Variants in ADGRL2 observed in about 807,000 individuals in gnomAD.
The protein encoded by ADGRL2 is calcium-independent alpha-latrotoxin receptor 2.
In ADGRL2, 44 loss-of-function variants were observed where a neutral mutation model predicts 157.4. The ratio of observed to expected loss-of-function variants is 0.28; its 90% confidence interval spans 0.22 to 0.36. The LOEUF (loss-of-function observed/expected upper bound fraction) is 0.36. Ranked by LOEUF, ADGRL2 falls within the 10% of genes least tolerant of loss-of-function variation. The pLI, the probability that ADGRL2 is intolerant of heterozygous loss-of-function variation, is 1.00. For synonymous variants in ADGRL2, 585 were observed against 624.7 expected (o/e 0.94, Z 0.95); for missense variants, 1,510 against 1,768.9 (o/e 0.85, Z 2.63).
At chr1:81,807,982 C>T (rs1346034397) in intron 1 of ADGRL2, among the ~76,000 whole-genome samples, 1 of 150,964 alleles carries the variant, frequency 6.6e-6, no homozygotes, top group Non-Finnish European at 1.5e-5. Context: ...CAAAAAACCT[C>T]CTATATTTGA....
intron 1 of ADGRL2, among the ~76,000 whole-genome samples, chr1:81,322,093 T>TATATATATATATACAC (rs1660546444): frequency 5.1e-5 from 6 of 117,072 alleles, no homozygotes; most frequent in Admixed American, 9.5e-5. Flanking sequence ...AATTCATATA[T>TATATATATATATACAC]ATATATATAT....
chr1:81,426,719 G>A, intron 1 of ADGRL2: 1 of 471,664 alleles, frequency 2.1e-6, no homozygotes, highest in South Asian at 1.6e-5. Flanking sequence ...TGTTGAAGAG[G>A]TGGATGCAAC....
intron 9 of ADGRL2, 50 bp downstream of exon 9, chr1:81,952,192 T>A (rs1572333516): frequency 6.9e-7 from 1 of 1,456,766 alleles, no homozygotes; most frequent in East Asian, 2.4e-5. Context: ...GTATGGCAGC[T>A]CTTTCTTGTC....
At chr1:81,841,677 G>A (rs576944471) in intron 2 of ADGRL2, among the ~76,000 whole-genome samples, 2 of 152,026 alleles carry the variant, frequency 1.3e-5, no homozygotes, top group East Asian at 3.9e-4. Context: ...ATGTGCACGC[G>A]CATACACGTG....
At chr1:81,946,963 A>T (rs767027359) in intron 6 of ADGRL2, among the ~76,000 whole-genome samples, 2 of 152,156 alleles carry the variant, frequency 1.3e-5, no homozygotes, top group Non-Finnish European at 2.9e-5. Context: ...AATCAATAGA[A>T]GTTCTTAGTA....
intron 1 of ADGRL2, among the ~76,000 whole-genome samples, chr1:81,834,749 T>C (rs2092176072): frequency 1.3e-5 from 2 of 152,162 alleles, no homozygotes; most frequent in South Asian, 4.1e-4. Context: ...AGCTTTATTT[T>C]TGTAAAAGAA....
chr1:81,334,689 C>T (rs1661512473), intron 1 of ADGRL2, among the ~76,000 whole-genome samples: 1 of 152,314 alleles, frequency 6.6e-6, no homozygotes, highest in Non-Finnish European at 1.5e-5. Flanking sequence ...TTACTATATT[C>T]TTTCCTTGTG....
chr1:81,620,969 C>T (rs559929977), intron 3 of ADGRL2, among the ~76,000 whole-genome samples: 4 of 152,274 alleles, frequency 2.6e-5, no homozygotes, highest in African/African-American at 7.2e-5. Flanking sequence ...TTTGAAATAA[C>T]GGAAATGCCA....
At chr1:81,493,428 G>A (rs1033305298) in intron 2 of ADGRL2, among the ~76,000 whole-genome samples, 2 of 152,130 alleles carry the variant, frequency 1.3e-5, no homozygotes, top group Non-Finnish European at 2.9e-5. Context: ...TCAGGCCCTT[G>A]AAATTTTATT....
chr1:81,638,967 C>T (rs954590735), intron 3 of ADGRL2, among the ~76,000 whole-genome samples: 3 of 152,176 alleles, frequency 2.0e-5, no homozygotes, highest in South Asian at 2.1e-4. Flanking sequence ...TCACCCACTG[C>T]GCTTCAACTT....
chr1:81,828,933 C>T (rs709696), intron 1 of ADGRL2, among the ~76,000 whole-genome samples: 19,212 of 150,442 alleles, frequency 0.13, 1,298 homozygotes, highest in Admixed American at 0.21. Flanking sequence ...TTTTTTGGGA[C>T]GAAGTCTTGC....
intron 3 of ADGRL2, among the ~76,000 whole-genome samples, chr1:81,923,056 G>C (rs2095024948): frequency 6.6e-6 from 1 of 152,080 alleles, no homozygotes; most frequent in South Asian, 2.1e-4. Flanking sequence ...TGGGTAATAG[G>C]CTGTAGACTG....
At chr1:81,312,504 G>A (rs1659825701) in intron 1 of ADGRL2, among the ~76,000 whole-genome samples, 1 of 152,206 alleles carries the variant, frequency 6.6e-6, no homozygotes, top group African/African-American at 2.4e-5. Context: ...GGGCCCAGGG[G>A]AAAGGTCCCA....
At chr1:81,699,899 A>G (rs1016693479) in intron 1 of ADGRL2, 10 of 152,256 alleles carry the variant, frequency 6.6e-5, no homozygotes, top group Admixed American at 6.5e-4. Context: ...AATGTAGATT[A>G]CTAGGGCAAT....
chr1:81,806,352 A>G (rs555264866), intron 1 of ADGRL2, among the ~76,000 whole-genome samples: 13 of 152,102 alleles, frequency 8.5e-5, no homozygotes, highest in African/African-American at 2.6e-4. Context: ...TACTGCTGCA[A>G]TTTTCACAAT....
intron 2 of ADGRL2, among the ~76,000 whole-genome samples, chr1:81,775,566 G>C (rs74521700): frequency 0.021 from 3,133 of 151,748 alleles, 61 homozygotes; most frequent in Non-Finnish European, 0.03. Context: ...TTCAGCTTGG[G>C]TAATAGAGGT....
At chr1:81,670,154 A>G (rs1176247252) in intron 3 of ADGRL2, among the ~76,000 whole-genome samples, 1 of 152,210 alleles carries the variant, frequency 6.6e-6, no homozygotes, top group Non-Finnish European at 1.5e-5. Flanking sequence ...TAAATGGGTC[A>G]CTTACTATAT....
chr1:81,332,833 C>A (rs1264142364), intron 1 of ADGRL2, among the ~76,000 whole-genome samples: 1 of 152,068 alleles, frequency 6.6e-6, no homozygotes, highest in Non-Finnish European at 1.5e-5. Flanking sequence ...AGCATGAGTT[C>A]AGTTTTTGTG....
chr1:81,687,718 G>GT (rs1483259372), intron 3 of ADGRL2, among the ~76,000 whole-genome samples: 1 of 151,914 alleles, frequency 6.6e-6, no homozygotes, highest in Non-Finnish European at 1.5e-5. Context: ...TTGTTTGTTT[G>GT]TTTTTTGCTT....
Sources: gnomAD v4.1 joint callset for allele counts (sites outside exome capture counted in the v4.1 genomes callset) on GRCh38, gnomAD v4.1.1 for gene constraint, MANE v1.5 for transcripts, NCBI Gene and HGNC (gene_info 2026-07-23, HGNC 2026-07-21) for gene names.